Variants in PLXNA4 observed in about 807,000 individuals in gnomAD.
The protein encoded by PLXNA4 is plexin-A4.
In PLXNA4, 44 loss-of-function variants were observed where a neutral mutation model predicts 191.8. That is an observed-to-expected ratio of 0.23 (90% confidence interval 0.18 to 0.29). The LOEUF (loss-of-function observed/expected upper bound fraction) is 0.29, where lower values mean the gene tolerates loss of function less well. Ranked by LOEUF, PLXNA4 falls within the 10% of genes least tolerant of loss-of-function variation. PLXNA4 has a pLI of 1.00. For missense variants in PLXNA4, 1,800 were observed against 2,488.8 expected (o/e 0.72, Z 5.89); for synonymous variants, 1,082 against 1,009.5 (o/e 1.07, Z -1.36).
At chr7:132,550,083 A>G (rs921772844) in intron 1 of PLXNA4, among the ~76,000 whole-genome samples, 1 of 152,106 alleles carries the variant, frequency 6.6e-6, no homozygotes, top group Non-Finnish European at 1.5e-5. Flanking sequence ...TGGGTTCTAT[A>G]AGGCTAGGGC....
intron 2 of PLXNA4, among the ~76,000 whole-genome samples, chr7:132,618,420 T>C (rs559841146): frequency 2.0e-5 from 3 of 152,252 alleles, no homozygotes; most frequent in South Asian, 4.1e-4. Context: ...TACTATTGCA[T>C]CTCCAGGCCC....
At chr7:132,254,390 T>C (rs1247403926) in intron 4 of PLXNA4, among the ~76,000 whole-genome samples, 1 of 152,152 alleles carries the variant, frequency 6.6e-6, no homozygotes, top group African/African-American at 2.4e-5. Context: ...TGAGGGTGAG[T>C]AAAGGGTTGT....
At chr7:132,406,986 C>G (rs569456169) in intron 3 of PLXNA4, among the ~76,000 whole-genome samples, 13 of 152,260 alleles carry the variant, frequency 8.5e-5, no homozygotes, top group Non-Finnish European at 1.8e-4. Flanking sequence ...CAAGCCCAAA[C>G]GGGATTTCCA....
chr7:132,246,633 C>T, intron 4 of PLXNA4, among the ~76,000 whole-genome samples: 1 of 152,152 alleles, frequency 6.6e-6, no homozygotes, highest in Non-Finnish European at 1.5e-5. Flanking sequence ...CTTCCTTTCC[C>T]CCTAGATCAC....
Position 132,174,931 on chromosome 7 carries a change from G to A in PLXNA4, c.3875-11C>T, listed in dbSNP as rs1160407309. On this transcript the variant is annotated splice_polypyrimidine_tract_variant and intron_variant, in intron 20 of 31. Transcript: ENST00000321063. ...GCAGCTCGGCAAAGGCTGGCACGAA[G>A]AGAAGCCTGTGAGATGGCTGGATGG... is the stretch of plus-strand genomic sequence containing the variant. 1.9e-6 allele frequency: 3 copies of A among 1,613,678 alleles called. No homozygotes were observed. Among genetic ancestry groups the A allele is most frequent in the Admixed American group, 1.7e-5 (1 of 60,026 alleles).
chr7:132,304,964 A>G (rs1801451967), intron 3 of PLXNA4, among the ~76,000 whole-genome samples: 1 of 152,156 alleles, frequency 6.6e-6, no homozygotes, highest in Non-Finnish European at 1.5e-5. Context: ...GCCTCATTCT[A>G]ATCCAGGCTC....
chr7:132,244,402 T>C (rs1295626859), intron 4 of PLXNA4, among the ~76,000 whole-genome samples: 1 of 152,242 alleles, frequency 6.6e-6, no homozygotes, highest in African/African-American at 2.4e-5. Context: ...TCTGGGCAGC[T>C]AGAGCTTTCT....
intron 12 of PLXNA4, among the ~76,000 whole-genome samples, chr7:132,200,240 A>G (rs1218682057): frequency 4.6e-5 from 7 of 152,198 alleles, no homozygotes; most frequent in Non-Finnish European, 7.3e-5. Context: ...TTTCTTGGAC[A>G]TAGGCCAAGA....
chr7:132,619,799 A>T (rs936898894), intron 2 of PLXNA4, among the ~76,000 whole-genome samples: 10 of 152,132 alleles, frequency 6.6e-5, no homozygotes, highest in Non-Finnish European at 1.0e-4. Flanking sequence ...CTTGTTGTCC[A>T]TTTTTCTTTT....
intron 20 of PLXNA4, among the ~76,000 whole-genome samples, chr7:132,178,395 C>G (rs1224225875): frequency 1.3e-5 from 2 of 152,142 alleles, no homozygotes; most frequent in Non-Finnish European, 2.9e-5. Context: ...CCACAGGGAG[C>G]AGAAGGAGGG....
At chr7:132,215,611 T>G (rs1214401955) in intron 9 of PLXNA4, among the ~76,000 whole-genome samples, 1 of 152,086 alleles carries the variant, frequency 6.6e-6, no homozygotes, top group Non-Finnish European at 1.5e-5. Context: ...GATCCACACA[T>G]GTAATTAGAG....
At chr7:132,594,520 T>C (rs981900974) in intron 2 of PLXNA4, among the ~76,000 whole-genome samples, 18 of 152,360 alleles carry the variant, frequency 1.2e-4, no homozygotes, top group African/African-American at 3.6e-4. Flanking sequence ...CAAGTTGGAC[T>C]TGATTTGCAG....
chr7:132,303,773 G>GT (rs1801405271), intron 3 of PLXNA4, among the ~76,000 whole-genome samples: 1 of 152,156 alleles, frequency 6.6e-6, no homozygotes, highest in East Asian at 1.9e-4. Context: ...GAGGTGGTAA[G>GT]TGCCAGCCCC....
chr7:132,174,303 G>T (rs748089412), intron 21 of PLXNA4, among the ~76,000 whole-genome samples: 2 of 152,078 alleles, frequency 1.3e-5, no homozygotes, highest in Non-Finnish European at 2.9e-5. Flanking sequence ...AGAGGGTTAT[G>T]ATTTCTCATT....
intron 12 of PLXNA4, among the ~76,000 whole-genome samples, chr7:132,199,676 C>A (rs2116849973): frequency 6.6e-6 from 1 of 152,298 alleles, no homozygotes; most frequent in South Asian, 2.1e-4. Flanking sequence ...ATATCCAACT[C>A]TCCTCAACCC....
chr7:132,320,048 C>T (rs888377254), intron 3 of PLXNA4, among the ~76,000 whole-genome samples: 1 of 152,242 alleles, frequency 6.6e-6, no homozygotes, highest in Non-Finnish European at 1.5e-5. Context: ...AGAGGACAGG[C>T]ATCTCCCTTG....
chr7:132,146,909 C>G (rs1795452486), intron 27 of PLXNA4, among the ~76,000 whole-genome samples: 1 of 152,216 alleles, frequency 6.6e-6, no homozygotes, highest in South Asian at 2.1e-4. Context: ...GTGGCTAATT[C>G]TACCCACTCA....
chr7:132,188,772 G>T (rs962289912), intron 14 of PLXNA4, among the ~76,000 whole-genome samples: 1 of 151,922 alleles, frequency 6.6e-6, no homozygotes, highest in African/African-American at 2.4e-5. Context: ...AGCTCTGCCT[G>T]GATCTCGCTG....
At chr7:132,573,511 A>G (rs1206048987) in intron 1 of PLXNA4, among the ~76,000 whole-genome samples, 1 of 152,160 alleles carries the variant, frequency 6.6e-6, no homozygotes, top group Non-Finnish European at 1.5e-5. Flanking sequence ...GACTGCTGCC[A>G]TCCTAGAAAG....
Sources: gnomAD v4.1 joint callset for allele counts (sites outside exome capture counted in the v4.1 genomes callset) on GRCh38, gnomAD v4.1.1 for gene constraint, MANE v1.5 for transcripts, NCBI Gene and HGNC (gene_info 2026-07-23, HGNC 2026-07-21) for gene names.